Variants in GRIA4 observed in about 807,000 individuals in gnomAD.
GRIA4 encodes glutamate ionotropic receptor AMPA type subunit 4.
GRIA4 carries 34 observed loss-of-function variants against 104.0 expected under a neutral mutation model. That is an observed-to-expected ratio of 0.33 (90% CI 0.25 to 0.44). The LOEUF is 0.44. Among genes scored for constraint, GRIA4 ranks in the 20% least tolerant of loss-of-function variants. The pLI, the probability that GRIA4 is intolerant of heterozygous loss-of-function variation, is 1.00. For synonymous variants in GRIA4, 386 were observed against 381.9 expected, an observed-to-expected ratio of 1.01 and a Z score of -0.13; for missense variants, 750 against 1,096.5, an observed-to-expected ratio of 0.68 and a Z score of 4.46.
At chr11:105,792,679 GA>G (rs1297136205) in intron 4 of GRIA4, among the ~76,000 whole-genome samples, 1 of 151,930 alleles carries the variant, frequency 6.6e-6, no homozygotes, top group Non-Finnish European at 1.5e-5. Context: ...TCAATAAAAG[GA>G]ATGGCGGTTA....
At chr11:105,902,115 G>GT (rs1442487392) in intron 7 of GRIA4, among the ~76,000 whole-genome samples, 2 of 152,110 alleles carry the variant, frequency 1.3e-5, no homozygotes, top group Non-Finnish European at 2.9e-5. Context: ...CCAGAAGCTT[G>GT]TTTTATCATG....
intron 11 of GRIA4, among the ~76,000 whole-genome samples, chr11:105,924,055 C>T (rs1434343658): frequency 6.6e-6 from 1 of 152,102 alleles, no homozygotes; most frequent in African/African-American, 2.4e-5. Flanking sequence ...CAAATTCAGC[C>T]ATATGGAAAG....
chr11:105,680,949 C>G (rs77423184), intron 3 of GRIA4, among the ~76,000 whole-genome samples: 4,039 of 152,248 alleles, frequency 0.027, 103 homozygotes, highest in African/African-American at 0.065. Context: ...CAGATTATCC[C>G]AATCACTCTG....
chr11:105,947,958 T>C (rs1357737567), intron 14 of GRIA4, among the ~76,000 whole-genome samples: 1 of 152,192 alleles, frequency 6.6e-6, no homozygotes, highest in Non-Finnish European at 1.5e-5. Flanking sequence ...TACAGACTCA[T>C]GGATTCAGAA....
intron 3 of GRIA4, among the ~76,000 whole-genome samples, chr11:105,685,912 T>G (rs1420058489): frequency 6.6e-6 from 1 of 151,958 alleles, no homozygotes. Flanking sequence ...AATAAACATT[T>G]TTTAAGTCAG....
At chr11:105,767,195 G>T (rs75372765) in intron 4 of GRIA4, among the ~76,000 whole-genome samples, 2,844 of 152,172 alleles carry the variant, frequency 0.019, 77 homozygotes, top group African/African-American at 0.064. Context: ...GAGCATGTGT[G>T]ATCACTGAAT....
chr11:105,869,615 C>T (rs994060931), intron 5 of GRIA4, among the ~76,000 whole-genome samples: 2 of 152,060 alleles, frequency 1.3e-5, no homozygotes, highest in Non-Finnish European at 2.9e-5. Flanking sequence ...GGCAGCAAAA[C>T]ATTCAACAGT....
intron 4 of GRIA4, among the ~76,000 whole-genome samples, chr11:105,820,740 A>G (rs1260191658): frequency 6.6e-6 from 1 of 151,942 alleles, no homozygotes; most frequent in African/African-American, 2.4e-5. Context: ...CATTCTGTCA[A>G]TTTCACTGAA....
intron 4 of GRIA4, among the ~76,000 whole-genome samples, chr11:105,848,311 T>A (rs1312215783): frequency 2.0e-5 from 3 of 152,196 alleles, no homozygotes; most frequent in Non-Finnish European, 4.4e-5. Context: ...ATTAAAAAAA[T>A]TAATTGAAAA....
chr11:105,968,631 T>C (rs1340370221), intron 14 of GRIA4, among the ~76,000 whole-genome samples: 1 of 152,212 alleles, frequency 6.6e-6, no homozygotes, highest in Non-Finnish European at 1.5e-5. Context: ...AATGCATGAC[T>C]TGTGGGGTAC....
At chr11:105,839,908 C>A (rs1944333758) in intron 4 of GRIA4, among the ~76,000 whole-genome samples, 1 of 151,760 alleles carries the variant, frequency 6.6e-6, no homozygotes, top group South Asian at 2.1e-4. Context: ...TTCTATTATT[C>A]TATTAATTTT....
chr11:105,979,968 T>A lies in GRIA4; in HGVS notation c.*229T>A, dbSNP rs916747002. The stretch of plus-strand genomic sequence containing the variant: ...CAGGAAAACTCACAATTGAGGTTTT[T>A]TTCGGGGAGTGGGTGGGGGAGGGAT... On this transcript the variant is annotated 3_prime_UTR_variant, in exon 17 of 17. Coordinates refer to ENST00000282499, the MANE Select transcript of GRIA4 (RefSeq NM_000829.4). The A allele has an allele frequency of 1.8e-5, 8 of 442,772 alleles. No individual in the cohort carries two copies. The highest frequency in any genetic ancestry group is 2.9e-5 in the Non-Finnish European group (7 of 243,820). The allele number at this position is 442,772 out of a possible 1,614,324, so 27.4% of individuals were successfully genotyped here.
intron 3 of GRIA4, among the ~76,000 whole-genome samples, chr11:105,730,928 G>T (rs1242854312): frequency 3.3e-5 from 5 of 152,104 alleles, no homozygotes; most frequent in Non-Finnish European, 2.9e-5. Flanking sequence ...AAAAACCCTA[G>T]AAGAAAACCT....
chr11:105,710,969 T>C (rs185172084), intron 3 of GRIA4, among the ~76,000 whole-genome samples: 2 of 151,554 alleles, frequency 1.3e-5, no homozygotes, highest in African/African-American at 4.9e-5. Context: ...CTCAGAATTA[T>C]TTTTTTTCTT....
chr11:105,963,430 A>G (rs1948789438), intron 14 of GRIA4, among the ~76,000 whole-genome samples: 1 of 152,124 alleles, frequency 6.6e-6, no homozygotes, highest in Non-Finnish European at 1.5e-5. Context: ...AACCACAGAC[A>G]CTTTTAACAT....
chr11:105,727,239 T>C (rs1446402201), intron 3 of GRIA4, among the ~76,000 whole-genome samples: 1 of 151,650 alleles, frequency 6.6e-6, no homozygotes, highest in Non-Finnish European at 1.5e-5. Context: ...TCATGAAGCA[T>C]ACACAGGATC....
At chr11:105,623,912 C>T (rs950283194) in intron 3 of GRIA4, among the ~76,000 whole-genome samples, 3 of 151,988 alleles carry the variant, frequency 2.0e-5, no homozygotes, top group Non-Finnish European at 4.4e-5. Flanking sequence ...ATGGTTGATG[C>T]AAAATAGGAA....
chr11:105,767,298 T>G (rs933070841), intron 4 of GRIA4, among the ~76,000 whole-genome samples: 1 of 151,962 alleles, frequency 6.6e-6, no homozygotes, highest in African/African-American at 2.4e-5. Flanking sequence ...ATTCATGGAG[T>G]AGCTGAATTT....
At chr11:105,891,823 A>G (rs2136110340) in intron 6 of GRIA4, among the ~76,000 whole-genome samples, 2 of 152,248 alleles carry the variant, frequency 1.3e-5, no homozygotes, top group African/African-American at 4.8e-5. Context: ...CTGCAAATAA[A>G]ACACTGCAAG....
Sources: gnomAD v4.1 joint callset for allele counts (sites outside exome capture counted in the v4.1 genomes callset) on GRCh38, gnomAD v4.1.1 for gene constraint, MANE v1.5 for transcripts, NCBI Gene and HGNC (gene_info 2026-07-23, HGNC 2026-07-21) for gene names.